The following LRP1B variants were observed in gnomAD, a reference collection of about 807,000 sequenced individuals.
LRP1B encodes the protein LDL receptor related protein 1B.
A neutral mutation model predicts 556.6 loss-of-function variants in LRP1B; 217 were observed. The ratio of observed to expected loss-of-function variants is 0.39; its 90% CI spans 0.35 to 0.44. The LOEUF is 0.44. Ranked by LOEUF, LRP1B falls within the 20% of genes least tolerant of loss-of-function variation. The pLI, the probability that LRP1B is intolerant of heterozygous loss-of-function variation, is 1.00. For synonymous variants in LRP1B, 2,047 were observed against 1,865.8 expected, an observed-to-expected ratio of 1.10 and a Z score of -2.50; for missense variants, 5,053 against 5,620.8, an observed-to-expected ratio of 0.90 and a Z score of 3.23.
At chr2:142,124,827 ATGT>A (rs1707580232) in intron 1 of LRP1B, among the ~76,000 whole-genome samples, 1 of 151,700 alleles carries the variant, frequency 6.6e-6, no homozygotes. Flanking sequence ...TCAGGGAAAT[ATGT>A]TGTTGTTATT....
chr2:141,355,390 C>T (rs1029669756), intron 3 of LRP1B, among the ~76,000 whole-genome samples: 1 of 151,926 alleles, frequency 6.6e-6, no homozygotes, highest in African/African-American at 2.4e-5. Context: ...GTTGTACAGC[C>T]ATCACCACCA....
intron 1 of LRP1B, among the ~76,000 whole-genome samples, chr2:141,825,945 C>T (rs1231599499): frequency 6.6e-6 from 1 of 152,064 alleles, no homozygotes; most frequent in Non-Finnish European, 1.5e-5. Flanking sequence ...AAAGAAATTA[C>T]TGAGAAACAG....
chr2:140,585,011 G>T (rs1681928445), intron 43 of LRP1B, among the ~76,000 whole-genome samples: 4 of 151,674 alleles, frequency 2.6e-5, no homozygotes, highest in African/African-American at 9.7e-5. Context: ...ATCAGACTTT[G>T]GGTATATTGC....
chr2:141,971,154 T>C (rs938684618), intron 1 of LRP1B, among the ~76,000 whole-genome samples: 5 of 151,450 alleles, frequency 3.3e-5, no homozygotes, highest in African/African-American at 1.2e-4. Flanking sequence ...TCAAAGAAAA[T>C]GCACCATCTG....
chr2:140,348,654 T>C (rs1681806185), intron 77 of LRP1B, among the ~76,000 whole-genome samples: 1 of 152,112 alleles, frequency 6.6e-6, no homozygotes, highest in South Asian at 2.1e-4. Context: ...TATATCCTAT[T>C]CAAATAAGTC....
At chr2:141,717,114 G>A (rs1054806885) in intron 2 of LRP1B, among the ~76,000 whole-genome samples, 1 of 152,052 alleles carries the variant, frequency 6.6e-6, no homozygotes, top group Non-Finnish European at 1.5e-5. Context: ...TCAGAGGTAT[G>A]ATATAAATGT....
chr2:140,663,783 C>T (rs1685175414), intron 41 of LRP1B, among the ~76,000 whole-genome samples: 1 of 152,228 alleles, frequency 6.6e-6, no homozygotes, highest in South Asian at 2.1e-4. Flanking sequence ...ACTTGGCTAA[C>T]TGGCACAAGG....
intron 89 of LRP1B, among the ~76,000 whole-genome samples, chr2:140,237,331 A>C (rs1680753873): frequency 1.3e-5 from 2 of 150,932 alleles, no homozygotes; most frequent in South Asian, 4.1e-4. Context: ...TGTTGCCTCA[A>C]ATGACAGGAT....
chr2:140,918,239 T>C (rs1694637515), intron 21 of LRP1B, among the ~76,000 whole-genome samples: 1 of 151,388 alleles, frequency 6.6e-6, no homozygotes, highest in Admixed American at 6.6e-5. Flanking sequence ...TTTTTGTAAA[T>C]TGCCAATTAT....
chr2:141,196,430 T>C (rs946880518), intron 6 of LRP1B, among the ~76,000 whole-genome samples: 15 of 152,102 alleles, frequency 9.9e-5, no homozygotes, highest in Admixed American at 9.8e-4. Context: ...TACACACATA[T>C]ATATTCACAC....
intron 1 of LRP1B, among the ~76,000 whole-genome samples, chr2:142,065,211 T>C (rs1705066120): frequency 6.6e-6 from 1 of 151,522 alleles, no homozygotes; most frequent in African/African-American, 2.4e-5. Flanking sequence ...CTTAGTGACT[T>C]AAAACACAAA....
intron 79 of LRP1B, among the ~76,000 whole-genome samples, chr2:140,328,793 CACAA>C (rs1415607983): frequency 7.3e-5 from 11 of 151,510 alleles, no homozygotes; most frequent in East Asian, 5.8e-4. Flanking sequence ...CATACACACA[CACAA>C]ACACACTTAT....
intron 41 of LRP1B, among the ~76,000 whole-genome samples, chr2:140,699,036 T>G (rs1215849011): frequency 6.6e-6 from 1 of 152,060 alleles, no homozygotes; most frequent in Admixed American, 6.6e-5. Flanking sequence ...TTTTTTTACT[T>G]CAGAGTTTGG....
intron 6 of LRP1B, among the ~76,000 whole-genome samples, chr2:141,219,624 T>C (rs1392607178): frequency 6.6e-6 from 1 of 152,136 alleles, no homozygotes; most frequent in Non-Finnish European, 1.5e-5. Flanking sequence ...ACATGCCTCC[T>C]GACTGTTTGA....
At chr2:141,656,458 A>G (rs1308795417) in intron 2 of LRP1B, among the ~76,000 whole-genome samples, 2 of 152,200 alleles carry the variant, frequency 1.3e-5, no homozygotes, top group East Asian at 1.9e-4. Flanking sequence ...GTATCTTAAT[A>G]TTGAAACTTG....
chr2:141,805,024 A>C (rs779476466), intron 2 of LRP1B, among the ~76,000 whole-genome samples: 41 of 152,110 alleles, frequency 2.7e-4, no homozygotes, highest in Middle Eastern at 6.8e-3. Flanking sequence ...CCTTTTCTTT[A>C]CTAGCAGAAC....
chr2:140,722,874 T>C (rs1687464086), intron 35 of LRP1B, among the ~76,000 whole-genome samples: 1 of 152,016 alleles, frequency 6.6e-6, no homozygotes, highest in Non-Finnish European at 1.5e-5. Flanking sequence ...AAACTCCATC[T>C]CTACTAAAAA....
At chr2:141,610,115 A>G (rs1309726042) in intron 2 of LRP1B, among the ~76,000 whole-genome samples, 1 of 152,108 alleles carries the variant, frequency 6.6e-6, no homozygotes, top group African/African-American at 2.4e-5. Context: ...TAACTTTGAA[A>G]TTGACAATCC....
rs116120992 is a variant in LRP1B, at chr2:140,759,756, G to A, written c.5758+9457C>T. Among the ~76,000 whole-genome samples the A allele has an allele frequency of 6.4e-4, 98 of 152,286 alleles. 1 individual carries two copies. The highest frequency in any genetic ancestry group is 2.2e-3 in the African/African-American group (91 of 41,552). ...GTTAACACCAGTAAACATTCAGCGC[G>A]CCTTGGTGACAAAGAATAAAGTCAC... On this transcript the variant is annotated intron_variant, in intron 35 of 90. Transcript: ENST00000389484.
Sources: allele counts gnomAD v4.1 joint callset (sites outside exome capture counted in the v4.1 genomes callset), GRCh38; gene constraint gnomAD v4.1.1; transcripts MANE v1.5; gene names NCBI Gene and HGNC (gene_info 2026-07-23, HGNC 2026-07-21).